The following MIA3 variants were observed in gnomAD, a reference collection of about 807,000 sequenced individuals.
The protein encoded by MIA3 is MIA SH3 domain ER export factor 3.
Under a neutral mutation model 192.4 loss-of-function variants are expected in MIA3, and 90 were observed. That is an observed-to-expected ratio of 0.47 (90% CI 0.39 to 0.56). MIA3 has a LOEUF of 0.56. Among genes scored for constraint, MIA3 ranks in the 20% least tolerant of loss-of-function variants. The pLI, the probability that MIA3 is intolerant of heterozygous loss-of-function variation, is 0.00. For synonymous variants in MIA3, 740 were observed against 792.8 expected, an observed-to-expected ratio of 0.93 and a Z score of 1.12; for missense variants, 2,123 against 2,269.4, an observed-to-expected ratio of 0.94 and a Z score of 1.31.
Position 222,649,041 on chromosome 1 carries a change from TGAG to T in MIA3, c.3631+197_3631+199del, listed in dbSNP as rs145706236. Among the ~76,000 whole-genome samples the T allele has an allele frequency of 1.5e-3, 224 of 152,260 alleles. 6 individuals are homozygous for T. In the South Asian group the frequency reaches 0.021, roughly 14 times the overall value. Reference sequence around the variant, plus strand: ...TGATGCTACCAACTGAGATGGGAGATGAGGAGGAACGAATTGTGGGAGTAGGGA... The same window carrying T: ...TGATGCTACCAACTGAGATGGGAGATGAGGAACGAATTGTGGGAGTAGGGA... On this transcript the variant is annotated intron_variant, in intron 8 of 27. Coordinates refer to ENST00000344922, the MANE Select transcript of MIA3 (RefSeq NM_198551.4).
At chr1:222,640,502 C>A (rs1662805759) in intron 6 of MIA3, among the ~76,000 whole-genome samples, 2 of 152,032 alleles carry the variant, frequency 1.3e-5, no homozygotes, top group South Asian at 4.1e-4. Context: ...GGTGGAAAGA[C>A]AATTAAATGT....
chr1:222,626,029 A>G (rs1424853134), intron 3 of MIA3, among the ~76,000 whole-genome samples: 1 of 152,028 alleles, frequency 6.6e-6, no homozygotes, highest in Non-Finnish European at 1.5e-5. Flanking sequence ...TGCCTTTCAT[A>G]TATATATATA....
In MIA3 at chr1:222,645,651, C is replaced by T. The variant is rs773843009; in HGVS notation, c.3575C>T (p.Ser1192Leu). 2.0e-5 allele frequency: 33 copies of T among 1,613,826 alleles called. No individual in the cohort carries two copies. In the Admixed American group the frequency reaches 4.8e-4, roughly 24 times the overall value. ...VFITAFLGIA[S>L]FAIFLWRTVL... ...ATCACTGCCTTCTTGGGAATTGCTTCGTTTGCCATTTTCTTATGGAGAACT... is the reference window on the plus strand; with the variant it reads ...ATCACTGCCTTCTTGGGAATTGCTTTGTTTGCCATTTTCTTATGGAGAACT... Residue 1192 changes from serine (S) to leucine (L), a missense_variant, in exon 7 of 28, where the codon TCG (serine) becomes TTG (leucine). By Grantham distance (145) the Ser-to-Leu change is moderately radical. This residue lies in a region of MIA3 where 762 missense variants were observed against 856.4 expected (regional missense o/e 0.89). Transcript: ENST00000344922.
At position 222,629,952 on chromosome 1, in the gene MIA3, G is replaced by T. The variant is rs1662319153; in HGVS notation, c.2732G>T (p.Ser911Ile). 2 of 1,614,136 alleles carry T rather than the reference G, an allele frequency of 1.2e-6. No individual in the cohort carries two copies. The highest frequency in any genetic ancestry group is 1.3e-5 in the African/African-American group (1 of 75,056). The change falls in exon 4 of 28, where the codon AGT becomes ATT. Residue 911 changes from serine to isoleucine, a missense_variant. Physicochemically the swap from Ser to Ile is moderately radical, Grantham distance 142 (BLOSUM62 -2). Coordinates refer to ENST00000344922, the MANE Select transcript of MIA3 (RefSeq NM_198551.4). Reference protein sequence around the residue: ...DDSFHWTPHTSVEPGHSDKRE... With the variant: ...DDSFHWTPHTIVEPGHSDKRE... ...TCGTTCCACTGGACTCCACATACAA[G>T]TGTAGAGCCAGGGCATAGTGACAAG...
rs1402808262 is a variant in MIA3 at position 222,633,287 on chromosome 1, A to T, written c.3477+38A>T. 7 of 1,510,856 alleles carry T rather than the reference A, an allele frequency of 4.6e-6. No individual in the cohort carries two copies. The East Asian group carries it at 1.6e-4, about 34-fold the overall frequency. 93.6% of individuals were successfully genotyped at this position (1,510,856 alleles called of 1,614,324 possible). A position where few individuals can be genotyped will look rare whatever the true frequency, so the allele number is the denominator to read the frequency against. The stretch of plus-strand genomic sequence containing the variant: ...TAGTTTTTTTTTAACTAAAATGTTG[A>T]TTATTACAGTTTTTAAGTTGATTTT... On this transcript the variant is annotated intron_variant, in intron 6 of 27. Coordinates refer to ENST00000344922, the MANE Select transcript of MIA3 (RefSeq NM_198551.4).
Position 222,667,124 on chromosome 1 carries a change from CTT to C in MIA3, c.*1507_*1508del, listed in dbSNP as rs1264708654. ...GCTTCAATGTGAAACAATTTTCTCT[CTT>C]TATACTAAACAACTGAAGATAGATA... On this transcript the variant is annotated 3_prime_UTR_variant, in exon 28 of 28. Transcript: ENST00000344922. 1 of 152,170 alleles carries C rather than the reference CTT, an allele frequency of 6.6e-6. No individual in the cohort carries two copies. The highest frequency in any genetic ancestry group is 2.4e-5 in the African/African-American group (1 of 41,434). 9.4% of individuals were successfully genotyped at this position (152,170 alleles called of 1,614,324 possible).
In MIA3 at chr1:222,665,122, C is replaced by G. The variant is rs1664212392; in HGVS notation, c.5414-187C>G. ...TCTGAGGTGGGAGGATTGATTGAGT[C>G]CGGGAGATTGAGGCTGCAGTGAGCC... On this transcript the variant is annotated intron_variant, in intron 27 of 27. Coordinates refer to ENST00000344922, the MANE Select transcript of MIA3 (RefSeq NM_198551.4). The G allele has an allele frequency of 5.3e-6, 3 of 569,682 alleles. No homozygotes were observed. The South Asian group carries it at 6.3e-5, about 12-fold the overall frequency. The allele number at this position is 569,682 out of a possible 1,614,324, so 35.3% of individuals were successfully genotyped here.
intron 24 of MIA3, among the ~76,000 whole-genome samples, chr1:222,661,800 C>CTGTACAT (rs2124930106): frequency 6.6e-6 from 1 of 152,244 alleles, no homozygotes; most frequent in African/African-American, 2.4e-5. Context: ...ATGTAGAATA[C>CTGTACAT]TGTACATGTA....
In MIA3 at chr1:222,629,931, T is replaced by A; in HGVS notation, c.2711T>A (p.Phe904Tyr). 6.2e-7 allele frequency: 1 copy of A among 1,614,112 alleles called. No individual in the cohort carries two copies. Among genetic ancestry groups the A allele is most frequent in the South Asian group, 1.1e-5 (1 of 91,082 alleles). ...GCTGCAGAACCTGAAGATGACTCGT[T>A]CCACTGGACTCCACATACAAGTGTA... ...SAAAEPEDDS[F>Y]HWTPHTSVEP... is the part of the protein sequence containing the mutation. The change falls in exon 4 of 28, where the codon TTC (phenylalanine) becomes TAC (tyrosine). Residue 904 changes from phenylalanine (F) to tyrosine (Y), a missense_variant. By Grantham distance (22) the Phe-to-Tyr change is conservative. Around this residue, in one of 3 missense-constraint regions of MIA3, gnomAD observed 1,357 missense variants for 1,396.1 expected, o/e 0.97. Transcript: ENST00000344922.
Position 222,667,328 on chromosome 1 carries a change from A to G in MIA3, c.*1709A>G, listed in dbSNP as rs1664334284. 6.6e-6 allele frequency: 1 copy of G among 152,228 alleles called. No individual in the cohort carries two copies. The highest frequency in any genetic ancestry group is 2.4e-5 in the African/African-American group (1 of 41,458). 9.4% of individuals were successfully genotyped at this position (152,228 alleles called of 1,614,324 possible). ...CATAGGCCACTTTTAGCCATGTAAA[A>G]ATAAGATTAAGTCACAAATACAACT... On this transcript the variant is annotated 3_prime_UTR_variant, in exon 28 of 28. Transcript: ENST00000344922.
chr1:222,619,311 G>T (rs879654556), intron 1 of MIA3, among the ~76,000 whole-genome samples: 1 of 152,180 alleles, frequency 6.6e-6, no homozygotes, highest in Non-Finnish European at 1.5e-5. Context: ...GATAGCCACT[G>T]CAGAAACGGT....
chr1:222,665,748 T>G lies in MIA3; in HGVS notation c.*129T>G. The stretch of plus-strand genomic sequence containing the variant: ...GTTTGTTGTTAGAACTAAGCTGCCT[T>G]GGCAGTGTGCATTTTTGAGCCAAAC... On this transcript the variant is annotated 3_prime_UTR_variant, in exon 28 of 28. Transcript: ENST00000344922. 2 of 713,906 alleles carry G rather than the reference T, an allele frequency of 2.8e-6. No homozygotes were observed. The highest frequency in any genetic ancestry group is 4.1e-6 in the Non-Finnish European group (2 of 482,694). The allele number at this position is 713,906 out of a possible 1,614,324, so 44.2% of individuals were successfully genotyped here.
Position 222,629,769 on chromosome 1 carries a change from C to T in MIA3, c.2549C>T (p.Ser850Phe). Residue 850 changes from serine (S) to phenylalanine (F), a missense_variant, in exon 4 of 28, where the codon TCT becomes TTT. By Grantham distance (155) the Ser-to-Phe change is radical. Coordinates refer to ENST00000344922, the MANE Select transcript of MIA3 (RefSeq NM_198551.4). ...GGTGAAGTGTTTCAGAATAAAGATTCTGATTATCTGAAGAACGACAACCCT... is the reference window on the plus strand; with the variant it reads ...GGTGAAGTGTTTCAGAATAAAGATTTTGATTATCTGAAGAACGACAACCCT... ...ELGEVFQNKD[S>F]DYLKNDNPEE... 7 of 1,614,122 alleles carry T rather than the reference C, an allele frequency of 4.3e-6. No individual in the cohort carries two copies. Among genetic ancestry groups the T allele is most frequent in the Non-Finnish European group, 5.9e-6 (7 of 1,180,032 alleles).
intron 18 of MIA3, among the ~76,000 whole-genome samples, chr1:222,655,315 G>A (rs1294552567): frequency 6.6e-6 from 1 of 152,198 alleles, no homozygotes. Flanking sequence ...TATTTGGTGT[G>A]TATATTTAGA....
intron 18 of MIA3, among the ~76,000 whole-genome samples, chr1:222,657,308 C>T (rs1472277427): frequency 6.6e-6 from 1 of 152,174 alleles, no homozygotes; most frequent in Non-Finnish European, 1.5e-5. Flanking sequence ...AGGGCTTTTA[C>T]TAGGGGTCCT....
At chr1:222,634,392 G>C (rs536313491) in intron 6 of MIA3, among the ~76,000 whole-genome samples, 19 of 152,218 alleles carry the variant, frequency 1.2e-4, no homozygotes, top group Non-Finnish European at 2.6e-4. Flanking sequence ...GGGAAAGTCA[G>C]AAAGGAAATT....
chr1:222,644,595 C>A (rs1379915226), intron 6 of MIA3: 2 of 1,550,448 alleles, frequency 1.3e-6, no homozygotes, highest in Non-Finnish European at 1.7e-6. Flanking sequence ...AGGTGACAGT[C>A]CCGATTCCCG....
rs747896552 is a variant in MIA3, at chr1:222,629,064, G to A, written c.1844G>A (p.Arg615His). The A allele has an allele frequency of 2.8e-5, 45 of 1,614,090 alleles. No individual in the cohort carries two copies. Among genetic ancestry groups the A allele is most frequent in the Non-Finnish European group, 3.5e-5 (41 of 1,180,042 alleles). Residue 615 changes from arginine to histidine, a missense_variant, in exon 4 of 28, where the codon CGT becomes CAT. Transcript: ENST00000344922. ...CACACGCTTTCAGTGGAGCATCAAC[G>A]TGAGGAATTGAAAGAGGAATTAGTT... ...KLHTLSVEHQREELKEELVLK... is the reference protein window; with the variant it reads ...KLHTLSVEHQHEELKEELVLK...
chr1:222,653,359 G>A lies in MIA3; in HGVS notation c.4321+20G>A. On this transcript the variant is annotated intron_variant, in intron 15 of 27. Transcript: ENST00000344922. ...TGGGAGGTAAGATCAGCCTCAAGGA[G>A]GATGGACCCCTTTTGCCTTCCTGTC... 6 of 1,547,990 alleles carry A rather than the reference G, an allele frequency of 3.9e-6. No individual in the cohort carries two copies. The highest frequency in any genetic ancestry group is 5.3e-6 in the Non-Finnish European group (6 of 1,123,796).
Sources: gnomAD v4.1 joint callset for allele counts (sites outside exome capture counted in the v4.1 genomes callset) on GRCh38, gnomAD v4.1.1 for gene constraint, gnomAD v4.1.1 regional missense constraint, MANE v1.5 for transcripts, NCBI Gene and HGNC (gene_info 2026-07-23, HGNC 2026-07-21) for gene names.